The following CMSS1 variants were observed in gnomAD, a reference collection of about 807,000 sequenced individuals.
CMSS1 encodes protein CMSS1.
In CMSS1, 33 loss-of-function variants were observed where a neutral mutation model predicts 43.5. The ratio of observed to expected loss-of-function variants is 0.76; its 90% CI spans 0.57 to 1.01. CMSS1 has a LOEUF of 1.01. CMSS1 is among the 50% of genes least tolerant of loss of function. CMSS1 has a pLI of 0.00. For synonymous variants in CMSS1, 115 were observed against 117.2 expected (o/e 0.98, Z 0.12); for missense variants, 313 against 326.4 (o/e 0.96, Z 0.32).
At chr3:100,135,856 A>G (rs2107502935) in intron 1 of CMSS1, among the ~76,000 whole-genome samples, 1 of 152,232 alleles carries the variant, frequency 6.6e-6, no homozygotes, top group East Asian at 1.9e-4. Context: ...CTGTCAAATT[A>G]TCAGGACCCA....
chr3:99,979,600 G>T (rs1033873867), intron 1 of CMSS1, among the ~76,000 whole-genome samples: 3 of 152,076 alleles, frequency 2.0e-5, no homozygotes, highest in South Asian at 2.1e-4. Context: ...CTAGAAAATG[G>T]TTTTTTAAAG....
chr3:99,987,730 A>T (rs1198848579), intron 1 of CMSS1, among the ~76,000 whole-genome samples: 1 of 152,192 alleles, frequency 6.6e-6, no homozygotes. Flanking sequence ...TTTTCTTCAC[A>T]GGTGCATGTA....
At chr3:100,152,386 G>A (rs997898266) in intron 2 of CMSS1, among the ~76,000 whole-genome samples, 5 of 151,938 alleles carry the variant, frequency 3.3e-5, no homozygotes, top group African/African-American at 1.2e-4. Context: ...TGTCACCTGT[G>A]ATGCTTCTGG....
chr3:99,949,561 A>G (rs1305514161), intron 1 of CMSS1, among the ~76,000 whole-genome samples: 2 of 152,228 alleles, frequency 1.3e-5, no homozygotes, highest in African/African-American at 2.4e-5. Flanking sequence ...ACAATTCTAT[A>G]GCAACCTTGG....
intron 1 of CMSS1, among the ~76,000 whole-genome samples, chr3:100,073,412 T>TC: frequency 6.6e-6 from 1 of 152,154 alleles, no homozygotes; most frequent in Admixed American, 6.5e-5. Flanking sequence ...GTCATGAAAG[T>TC]ATACATTTAA....
chr3:100,159,929 A>G (rs967580055), intron 2 of CMSS1: 5 of 456,524 alleles, frequency 1.1e-5, no homozygotes, highest in African/African-American at 6.0e-5. Context: ...AAGTTAATAT[A>G]TCTTACTTTG....
At chr3:99,902,158 G>T in intron 1 of CMSS1, among the ~76,000 whole-genome samples, 1 of 151,934 alleles carries the variant, frequency 6.6e-6, no homozygotes. Flanking sequence ...CATTTGTGGA[G>T]GACAATAAAA....
chr3:99,939,791 GT>G (rs1471986611), intron 1 of CMSS1, among the ~76,000 whole-genome samples: 1 of 152,172 alleles, frequency 6.6e-6, no homozygotes, highest in Non-Finnish European at 1.5e-5. Flanking sequence ...TATTTCCCCA[GT>G]TTGCAGATTC....
At chr3:99,990,377 C>T (rs1036398911) in intron 1 of CMSS1, among the ~76,000 whole-genome samples, 4 of 152,206 alleles carry the variant, frequency 2.6e-5, no homozygotes, top group Admixed American at 1.3e-4. Flanking sequence ...TCTCTATTCA[C>T]AGCTTACATT....
intron 2 of CMSS1, among the ~76,000 whole-genome samples, chr3:100,160,104 T>G (rs1469700920): frequency 6.6e-6 from 1 of 152,218 alleles, no homozygotes; most frequent in Non-Finnish European, 1.5e-5. Flanking sequence ...CGATTTCTGC[T>G]GTATTATACA....
intron 1 of CMSS1, among the ~76,000 whole-genome samples, chr3:100,026,138 G>C (rs2064916355): frequency 6.6e-6 from 1 of 152,164 alleles, no homozygotes; most frequent in African/African-American, 2.4e-5. Flanking sequence ...TCTGTATCAG[G>C]ATGCTGTCAA....
intron 1 of CMSS1, among the ~76,000 whole-genome samples, chr3:99,886,363 A>G (rs1431210564): frequency 1.3e-5 from 2 of 152,082 alleles, no homozygotes; most frequent in East Asian, 3.9e-4. Context: ...GGAAGAAGAA[A>G]TCTCTTGTAC....
chr3:100,075,258 A>T (rs542123995), intron 1 of CMSS1, among the ~76,000 whole-genome samples: 21 of 152,294 alleles, frequency 1.4e-4, no homozygotes, highest in African/African-American at 5.1e-4. Context: ...CTTTCAAATA[A>T]TGGACTTCTA....
chr3:99,918,672 C>A (rs921823286), intron 1 of CMSS1, among the ~76,000 whole-genome samples: 2 of 152,148 alleles, frequency 1.3e-5, no homozygotes, highest in African/African-American at 4.8e-5. Context: ...TCATGATGGA[C>A]GGTCCTAAAT....
intron 1 of CMSS1, among the ~76,000 whole-genome samples, chr3:100,043,221 G>A (rs1218543111): frequency 1.3e-5 from 2 of 152,164 alleles, no homozygotes; most frequent in Non-Finnish European, 2.9e-5. Context: ...ACTGTGTTGT[G>A]CCTTATCTGC....
chr3:100,133,737 A>G (rs528954502), intron 1 of CMSS1, among the ~76,000 whole-genome samples: 1 of 152,312 alleles, frequency 6.6e-6, no homozygotes, highest in African/African-American at 2.4e-5. Context: ...TACTTTTCGT[A>G]TAGTTGGTAG....
chr3:100,083,566 G>A (rs2065963122), intron 1 of CMSS1, among the ~76,000 whole-genome samples: 1 of 152,178 alleles, frequency 6.6e-6, no homozygotes, highest in Non-Finnish European at 1.5e-5. Flanking sequence ...GCCATGAAAA[G>A]CAAATGATTT....
chr3:99,880,873 T>C (rs74987480), intron 1 of CMSS1, among the ~76,000 whole-genome samples: 1,756 of 152,272 alleles, frequency 0.012, 17 homozygotes, highest in African/African-American at 0.026. Flanking sequence ...GGATGGACCC[T>C]GTATGTGTAT....
intron 1 of CMSS1, among the ~76,000 whole-genome samples, chr3:99,954,210 C>G (rs1264269373): frequency 6.6e-6 from 1 of 152,194 alleles, no homozygotes; most frequent in Non-Finnish European, 1.5e-5. Flanking sequence ...AGTCCATGCC[C>G]AACATCACAT....
Sources: allele counts gnomAD v4.1 joint callset (sites outside exome capture counted in the v4.1 genomes callset), GRCh38; gene constraint gnomAD v4.1.1; transcripts MANE v1.5; gene names NCBI Gene and HGNC (gene_info 2026-07-23, HGNC 2026-07-21).